SMYD4: variants seen among roughly 807,000 people sequenced by gnomAD.
SMYD4 encodes protein-lysine N-methyltransferase SMYD4.
In SMYD4, 68 loss-of-function variants were observed where a neutral mutation model predicts 72.8. That is an observed-to-expected ratio of 0.93 (90% CI 0.77 to 1.14). SMYD4 has a LOEUF of 1.14. Ranked by LOEUF, SMYD4 falls within the 50% of genes most tolerant of loss-of-function variation. SMYD4 has a pLI of 0.00. For synonymous variants in SMYD4, 407 were observed against 388.6 expected, an observed-to-expected ratio of 1.05 and a Z score of -0.56; for missense variants, 984 against 1,003.7, an observed-to-expected ratio of 0.98 and a Z score of 0.27.
chr17:1,824,026 C>A (rs559357306), intron 2 of SMYD4, among the ~76,000 whole-genome samples: 1 of 152,256 alleles, frequency 6.6e-6, no homozygotes, highest in Admixed American at 6.5e-5. Flanking sequence ...TTACTTGAAA[C>A]TGAAGAGTTC....
chr17:1,815,601 T>C (rs113737234), intron 2 of SMYD4, among the ~76,000 whole-genome samples: 1,971 of 147,310 alleles, frequency 0.013, 46 homozygotes, highest in African/African-American at 0.046. Context: ...AGGGCTACAG[T>C]GAGCTACGAT....
intron 4 of SMYD4, among the ~76,000 whole-genome samples, chr17:1,803,837 G>C (rs947682854): frequency 2.7e-5 from 4 of 150,742 alleles, no homozygotes; most frequent in African/African-American, 7.3e-5. Flanking sequence ...ATCCCATATG[G>C]TCACCTGTGA....
In SMYD4 at chr17:1,818,163, G is replaced by C. The variant is rs1910724335; in HGVS notation, c.135-6048C>G. On this transcript the variant is annotated intron_variant, in intron 2 of 10. Coordinates refer to ENST00000305513, the MANE Select transcript of SMYD4 (RefSeq NM_052928.3). Reference sequence around the variant, plus strand: ...AACTTCAGCCTTTTGCATGTAGCTTGTCATTAGGATACAGACAGAAAAAAA... The same window carrying C: ...AACTTCAGCCTTTTGCATGTAGCTTCTCATTAGGATACAGACAGAAAAAAA... Among the ~76,000 whole-genome samples the C allele has an allele frequency of 2.0e-5, 3 of 151,514 alleles. No homozygotes were observed. In the South Asian group the frequency reaches 6.2e-4, roughly 31 times the overall value.
intron 6 of SMYD4, among the ~76,000 whole-genome samples, 186 bp downstream of exon 6, chr17:1,787,236 T>C (rs755322901): frequency 6.6e-6 from 1 of 152,204 alleles, no homozygotes; most frequent in Non-Finnish European, 1.5e-5. Context: ...TTAGCCGCAA[T>C]AGGGCCCTAG....
At chr17:1,793,628 A>G (rs1909179109) in intron 5 of SMYD4, among the ~76,000 whole-genome samples, 2 of 151,954 alleles carry the variant, frequency 1.3e-5, no homozygotes, top group African/African-American at 4.8e-5. Flanking sequence ...AGGAGAGGGG[A>G]AAAAAATCTC....
chr17:1,812,249 T>G, intron 2 of SMYD4, 134 bp from the exon 3 acceptor site: 4 of 1,054,032 alleles, frequency 3.8e-6, no homozygotes, highest in Non-Finnish European at 5.4e-6. Flanking sequence ...CATTGTGCAA[T>G]GTGATTAGAG....
intron 5 of SMYD4, among the ~76,000 whole-genome samples, chr17:1,798,022 G>A (rs1909497006): frequency 1.3e-5 from 2 of 151,866 alleles, no homozygotes; most frequent in African/African-American, 2.4e-5. Context: ...AGAAAAAAAG[G>A]ACTTTGATAC....
intron 5 of SMYD4, among the ~76,000 whole-genome samples, chr17:1,797,659 A>G (rs999224816): frequency 1.3e-5 from 2 of 152,218 alleles, no homozygotes; most frequent in African/African-American, 4.8e-5. Context: ...AGAATGGGAA[A>G]TATCTCTCAA....
At chr17:1,811,647 C>T (rs1307121416) in intron 3 of SMYD4, among the ~76,000 whole-genome samples, 1 of 152,184 alleles carries the variant, frequency 6.6e-6, no homozygotes, top group Non-Finnish European at 1.5e-5. Context: ...CTGGGCTGGG[C>T]AGGGCATGGT....
chr17:1,794,279 T>TG (rs1909277904), intron 5 of SMYD4, among the ~76,000 whole-genome samples: 1 of 144,588 alleles, frequency 6.9e-6, no homozygotes, highest in African/African-American at 2.5e-5. Flanking sequence ...CAGGCTAATT[T>TG]TTTTTTTTTT....
At chr17:1,829,372 A>C (rs1254963190) in intron 1 of SMYD4, 5 of 152,446 alleles carry the variant, frequency 3.3e-5, no homozygotes, top group African/African-American at 4.8e-5. Context: ...GTCCACCTGG[A>C]AAATTCCCAC....
At chr17:1,815,437 T>C (rs1181240113) in intron 2 of SMYD4, among the ~76,000 whole-genome samples, 1 of 151,864 alleles carries the variant, frequency 6.6e-6, no homozygotes, top group African/African-American at 2.4e-5. Context: ...TGAGCTCAAG[T>C]GATTTTCCTG....
chr17:1,794,237 G>A (rs1048224415), intron 5 of SMYD4, among the ~76,000 whole-genome samples: 1 of 142,208 alleles, frequency 7.0e-6, no homozygotes, highest in Non-Finnish European at 1.5e-5. Flanking sequence ...AGCCTCCCAA[G>A]TAGCTGGGAC....
chr17:1,802,266 G>A (rs1909807412), intron 4 of SMYD4, among the ~76,000 whole-genome samples: 1 of 152,208 alleles, frequency 6.6e-6, no homozygotes, highest in East Asian at 1.9e-4. Context: ...CGAGGTGGGC[G>A]GATCACTTGA....
At chr17:1,804,833 C>A in intron 3 of SMYD4, 118 bp from the exon 4 acceptor site, 4 of 921,948 alleles carry the variant, frequency 4.3e-6, no homozygotes, top group South Asian at 1.5e-5. Context: ...AGTTACTGAA[C>A]CTCTTTGTGC....
chr17:1,797,973 G>GC (rs1567773392), intron 5 of SMYD4, among the ~76,000 whole-genome samples: 1 of 151,832 alleles, frequency 6.6e-6, no homozygotes, highest in African/African-American at 2.4e-5. Flanking sequence ...CCGCACTCCA[G>GC]CCTGGGTGAC....
chr17:1,790,691 A>G (rs1444745496), intron 5 of SMYD4, among the ~76,000 whole-genome samples: 1 of 151,676 alleles, frequency 6.6e-6, no homozygotes, highest in Non-Finnish European at 1.5e-5. Context: ...TCATTTTTGT[A>G]TTTTTAGTAG....
In SMYD4 at chr17:1,786,820, G is replaced by A. The variant is rs755886013; in HGVS notation, c.1874C>T (p.Ala625Val). 27 of 1,614,140 alleles carry A rather than the reference G, an allele frequency of 1.7e-5. No homozygotes were observed. The highest frequency in any genetic ancestry group is 1.5e-4 in the South Asian group (14 of 91,080). The change falls in exon 7 of 11, where the codon GCG becomes GTG. Residue 625 changes from alanine (A) to valine (V), a missense_variant. Coordinates refer to ENST00000305513, the MANE Select transcript of SMYD4 (RefSeq NM_052928.3). ...WEAFCCNSCG[A>V]PMQGDDVLRC... Reference sequence around the variant, plus strand: ...AGAAGAGAGAATTACCTGCATGGGCGCTCCGCAACTGTTGCAACAGAATGC... The same window carrying A: ...AGAAGAGAGAATTACCTGCATGGGCACTCCGCAACTGTTGCAACAGAATGC...
intron 5 of SMYD4, among the ~76,000 whole-genome samples, chr17:1,795,484 CCTGG>C (rs1346155502): frequency 6.6e-6 from 1 of 151,798 alleles, no homozygotes; most frequent in African/African-American, 2.4e-5. Flanking sequence ...GCTGTGTCAC[CCTGG>C]CTGGAGTACA....
Sources: allele counts gnomAD v4.1 joint callset (sites outside exome capture counted in the v4.1 genomes callset), GRCh38; gene constraint gnomAD v4.1.1; transcripts MANE v1.5; gene names NCBI Gene and HGNC (gene_info 2026-07-23, HGNC 2026-07-21).